Variants in THSD4 observed in about 807,000 individuals in gnomAD.
THSD4 encodes the protein thrombospondin type 1 domain containing 4.
Under a neutral mutation model 119.0 loss-of-function variants are expected in THSD4, and 69 were observed. The observed-to-expected ratio is 0.58, with a 90% CI of 0.48 to 0.71. The LOEUF (loss-of-function observed/expected upper bound fraction) is 0.71. Among genes scored for constraint, THSD4 ranks in the 30% least tolerant of loss-of-function variants. THSD4 has a pLI of 0.00. For missense variants in THSD4, 1,393 were observed against 1,391.1 expected (o/e 1.00, Z -0.02); for synonymous variants, 524 against 540.4 (o/e 0.97, Z 0.42).
chr15:71,463,131 A>G (rs1045611646), intron 7 of THSD4, among the ~76,000 whole-genome samples: 1 of 151,720 alleles, frequency 6.6e-6, no homozygotes, highest in Non-Finnish European at 1.5e-5. Context: ...AAGACTTCAC[A>G]TTCACCTCCA....
At chr15:71,193,933 G>A (rs571971897) in intron 3 of THSD4, among the ~76,000 whole-genome samples, 6 of 152,192 alleles carry the variant, frequency 3.9e-5, no homozygotes, top group Non-Finnish European at 8.8e-5. Context: ...GGATGATCTC[G>A]ATCTCCTGAC....
At chr15:71,222,114 G>T (rs980666710) in intron 4 of THSD4, among the ~76,000 whole-genome samples, 3 of 152,160 alleles carry the variant, frequency 2.0e-5, no homozygotes, top group African/African-American at 7.2e-5. Flanking sequence ...AAGCAGGGTG[G>T]ATTTCTTCCC....
chr15:71,542,769 C>G (rs770723842), intron 7 of THSD4, among the ~76,000 whole-genome samples: 6 of 151,538 alleles, frequency 4.0e-5, no homozygotes, highest in Non-Finnish European at 8.8e-5. Flanking sequence ...CCCAGCTACT[C>G]GGGACGCTGA....
At chr15:71,426,386 TG>T (rs1474644266) in intron 7 of THSD4, among the ~76,000 whole-genome samples, 66 of 133,008 alleles carry the variant, frequency 5.0e-4, no homozygotes, top group African/African-American at 1.7e-3. Flanking sequence ...TGTGTGTGTG[TG>T]TGTGTGTGTG....
intron 7 of THSD4, among the ~76,000 whole-genome samples, chr15:71,460,421 T>C (rs1006405778): frequency 9.9e-5 from 15 of 150,936 alleles, no homozygotes; most frequent in African/African-American, 3.6e-4. Flanking sequence ...CCCAAATTAA[T>C]GGATCAGTGT....
chr15:71,667,677 G>A (rs1281828915), intron 8 of THSD4, among the ~76,000 whole-genome samples: 1 of 152,124 alleles, frequency 6.6e-6, no homozygotes. Context: ...TTCTTTACAG[G>A]AAACATTGGA....
At chr15:71,411,589 C>T in intron 6 of THSD4, 98 bp from the exon 7 acceptor site, 5 of 1,341,406 alleles carry the variant, frequency 3.7e-6, no homozygotes, top group Non-Finnish European at 5.0e-6. Context: ...AAATTTTTCT[C>T]AATAAAAATT....
chr15:71,237,955 A>T (rs1028891350), intron 4 of THSD4, among the ~76,000 whole-genome samples: 1 of 152,186 alleles, frequency 6.6e-6, no homozygotes, highest in East Asian at 1.9e-4. Flanking sequence ...TAGCAACAGC[A>T]ATTTTCCCAG....
At chr15:71,102,715 C>T (rs749572191) in intron 1 of THSD4, among the ~76,000 whole-genome samples, 3 of 152,100 alleles carry the variant, frequency 2.0e-5, no homozygotes, top group African/African-American at 4.8e-5. Flanking sequence ...CAGATGCCTG[C>T]CACCATGCCC....
chr15:71,699,615 C>CT (rs1441426131), intron 8 of THSD4, among the ~76,000 whole-genome samples: 2 of 152,188 alleles, frequency 1.3e-5, no homozygotes, highest in Non-Finnish European at 2.9e-5. Context: ...CTATACCATA[C>CT]TTTCATCAAG....
intron 7 of THSD4, among the ~76,000 whole-genome samples, chr15:71,476,643 A>C (rs546639930): frequency 6.6e-6 from 1 of 152,350 alleles, no homozygotes; most frequent in Admixed American, 6.5e-5. Context: ...GTTTGTCTTC[A>C]AGGCAACAAG....
At chr15:71,250,927 T>TA (rs1301966531) in intron 5 of THSD4, among the ~76,000 whole-genome samples, 1 of 151,400 alleles carries the variant, frequency 6.6e-6, no homozygotes, top group African/African-American at 2.4e-5. Flanking sequence ...ATGAAAAAAA[T>TA]AAAAAAAGCA....
intron 7 of THSD4, among the ~76,000 whole-genome samples, chr15:71,415,236 A>G (rs931344982): frequency 6.6e-6 from 1 of 152,240 alleles, no homozygotes; most frequent in Non-Finnish European, 1.5e-5. Flanking sequence ...TGAGTCTACA[A>G]AAGGGTCCTC....
intron 7 of THSD4, among the ~76,000 whole-genome samples, chr15:71,627,511 C>A (rs535691684): frequency 2.0e-5 from 3 of 152,138 alleles, no homozygotes; most frequent in Admixed American, 6.6e-5. Flanking sequence ...GTAGGTTTAG[C>A]TTTTAGAAGG....
intron 7 of THSD4, among the ~76,000 whole-genome samples, chr15:71,427,001 C>T (rs1459710992): frequency 1.3e-5 from 2 of 152,100 alleles, no homozygotes; most frequent in Non-Finnish European, 2.9e-5. Flanking sequence ...TTTCGGGGCA[C>T]TTGATCTGTT....
chr15:71,258,603 G>T (rs1025218764), intron 6 of THSD4, among the ~76,000 whole-genome samples: 1 of 152,278 alleles, frequency 6.6e-6, no homozygotes, highest in African/African-American at 2.4e-5. Context: ...AAAACGTCTT[G>T]AAGGCATTGT....
At chr15:71,652,225 C>T (rs1279247616) in intron 7 of THSD4, among the ~76,000 whole-genome samples, 1 of 152,190 alleles carries the variant, frequency 6.6e-6, no homozygotes, top group Non-Finnish European at 1.5e-5. Flanking sequence ...AGCCCCAAAC[C>T]ACAGCTTCTA....
intron 6 of THSD4, among the ~76,000 whole-genome samples, chr15:71,275,233 A>G (rs1295029290): frequency 6.6e-6 from 1 of 152,140 alleles, no homozygotes; most frequent in Non-Finnish European, 1.5e-5. Flanking sequence ...GAGGGCCTGC[A>G]GAAGAATTTC....
At chr15:71,629,662 G>C (rs7180323) in intron 7 of THSD4, among the ~76,000 whole-genome samples, 132,096 of 152,190 alleles carry the variant, frequency 0.87, 57,779 homozygotes, top group East Asian at 1. Flanking sequence ...GTAGACTTGC[G>C]TCTTCTACCT....
Sources: gnomAD v4.1 joint callset for allele counts (sites outside exome capture counted in the v4.1 genomes callset) on GRCh38, gnomAD v4.1.1 for gene constraint, MANE v1.5 for transcripts, NCBI Gene and HGNC (gene_info 2026-07-23, HGNC 2026-07-21) for gene names.